The following RARB variants were observed in gnomAD, a reference collection of about 807,000 sequenced individuals.
The protein encoded by RARB is HBV-activated protein.
In RARB, 17 loss-of-function variants were observed where a neutral mutation model predicts 51.9. The observed-to-expected ratio is 0.33, with a 90% CI of 0.22 to 0.49. The LOEUF (loss-of-function observed/expected upper bound fraction) is 0.49, where lower values mean the gene tolerates loss of function less well. Ranked by LOEUF, RARB falls within the 20% of genes least tolerant of loss-of-function variation. The pLI, the probability that RARB is intolerant of heterozygous loss-of-function variation, is 0.99. For missense variants in RARB, 369 were observed against 550.8 expected (o/e 0.67, Z 3.30); for synonymous variants, 215 against 195.4 (o/e 1.10, Z -0.84).
chr3:24,884,302 T>C (rs1039722602), intron 2 of RARB, among the ~76,000 whole-genome samples: 4 of 152,158 alleles, frequency 2.6e-5, no homozygotes, highest in African/African-American at 9.7e-5. Flanking sequence ...AAGGGCAATG[T>C]CATATTATCT....
At chr3:25,093,209 A>G (rs1388973722) in intron 3 of RARB, among the ~76,000 whole-genome samples, 1 of 152,196 alleles carries the variant, frequency 6.6e-6, no homozygotes. Flanking sequence ...ATGATCCAGC[A>G]TTATATAAAG....
At chr3:25,444,158 G>A (rs1708827008) in intron 1 of RARB, among the ~76,000 whole-genome samples, 2 of 152,102 alleles carry the variant, frequency 1.3e-5, no homozygotes, top group Admixed American at 1.3e-4. Context: ...GAAGAGAAAG[G>A]CCCTGTTATC....
intron 5 of RARB, among the ~76,000 whole-genome samples, chr3:25,413,273 G>A (rs899944856): frequency 1.7e-4 from 16 of 92,396 alleles, no homozygotes; most frequent in East Asian, 5.8e-4. Context: ...CATTATTTTT[G>A]TAACATTCAT....
chr3:25,350,043 G>A (rs1262193376), intron 5 of RARB, among the ~76,000 whole-genome samples: 5 of 152,152 alleles, frequency 3.3e-5, no homozygotes, highest in Non-Finnish European at 7.3e-5. Context: ...TCTCGGGGTA[G>A]TAGGGCTTCT....
At chr3:25,569,008 G>C (rs1053806807) in intron 3 of RARB, among the ~76,000 whole-genome samples, 1 of 152,248 alleles carries the variant, frequency 6.6e-6, no homozygotes, top group Non-Finnish European at 1.5e-5. Flanking sequence ...GCCTGGCACC[G>C]TGCTTGGCTC....
At chr3:25,588,957 CATT>C (rs1701510346) in intron 5 of RARB, among the ~76,000 whole-genome samples, 1 of 152,186 alleles carries the variant, frequency 6.6e-6, no homozygotes, top group South Asian at 2.1e-4. Flanking sequence ...AAAAGCAAAT[CATT>C]AAGTCCAGGC....
intron 3 of RARB, among the ~76,000 whole-genome samples, chr3:25,563,997 T>C (rs554837401): frequency 6.6e-6 from 1 of 152,120 alleles, no homozygotes; most frequent in Admixed American, 6.5e-5. Flanking sequence ...AGCATTGTTT[T>C]CATCTCTTCC....
chr3:25,479,819 A>G (rs914129296), intron 2 of RARB, among the ~76,000 whole-genome samples: 9 of 152,196 alleles, frequency 5.9e-5, no homozygotes, highest in Non-Finnish European at 1.2e-4. Flanking sequence ...ATGTTTTTGA[A>G]TAACAGCCAC....
chr3:25,154,537 AT>A (rs1238938037), intron 4 of RARB, among the ~76,000 whole-genome samples: 1 of 152,102 alleles, frequency 6.6e-6, no homozygotes, highest in African/African-American at 2.4e-5. Flanking sequence ...CTACCAATCC[AT>A]TTTCCACACA....
At chr3:25,011,767 T>A (rs1028012608) in intron 2 of RARB, among the ~76,000 whole-genome samples, 1 of 152,162 alleles carries the variant, frequency 6.6e-6, no homozygotes, top group African/African-American at 2.4e-5. Context: ...GTGGACTTTA[T>A]AATCCACATA....
At chr3:25,490,548 GCT>G (rs1454840624) in intron 2 of RARB, among the ~76,000 whole-genome samples, 8 of 152,078 alleles carry the variant, frequency 5.3e-5, no homozygotes, top group African/African-American at 1.9e-4. Flanking sequence ...GCATGTTTTG[GCT>G]CTCTCTCCTT....
At chr3:25,176,612 T>G (rs1700759639) in intron 5 of RARB, among the ~76,000 whole-genome samples, 1 of 151,602 alleles carries the variant, frequency 6.6e-6, no homozygotes, top group African/African-American at 2.4e-5. Context: ...GCCAGAATAG[T>G]CTCGATCTCT....
At chr3:25,332,161 C>A (rs1285243950) in intron 5 of RARB, among the ~76,000 whole-genome samples, 1 of 152,148 alleles carries the variant, frequency 6.6e-6, no homozygotes, top group African/African-American at 2.4e-5. Flanking sequence ...GGGAATCCTC[C>A]CTAACTCATT....
At chr3:25,589,869 C>A (rs980108870) in intron 5 of RARB, among the ~76,000 whole-genome samples, 2 of 152,204 alleles carry the variant, frequency 1.3e-5, no homozygotes, top group African/African-American at 4.8e-5. Flanking sequence ...AGATAAGATG[C>A]CTTCCTTTCA....
rs532086859 is a variant in RARB at position 24,875,394 on chromosome 3, C to A, written c.-380+16642C>A. Among the ~76,000 whole-genome samples the A allele has an allele frequency of 7.9e-5, 12 of 152,172 alleles. No individual in the cohort carries two copies. The East Asian group carries it at 2.3e-3, about 29-fold the overall frequency. On this transcript the variant is annotated intron_variant, in intron 2 of 11. Transcript: ENST00000383772. ...GCTCCGGACTCATTTTTTAGGATTG[C>A]CTGGCAACTTGTGATCTTGGGCAAG... is the stretch of plus-strand genomic sequence containing the variant.
intron 4 of RARB, among the ~76,000 whole-genome samples, chr3:25,155,735 G>A (rs1700363414): frequency 6.6e-6 from 1 of 152,152 alleles, no homozygotes; most frequent in South Asian, 2.1e-4. Flanking sequence ...CCACATGACT[G>A]TTGATGGCTG....
At chr3:25,330,656 C>T (rs1404517442) in intron 5 of RARB, among the ~76,000 whole-genome samples, 7 of 152,138 alleles carry the variant, frequency 4.6e-5, no homozygotes, top group Admixed American at 1.3e-4. Context: ...CAGATTCACA[C>T]ATAACAATAC....
chr3:25,073,422 A>G lies in RARB; in HGVS notation c.-328+13246A>G, dbSNP rs147346942. Among the ~76,000 whole-genome samples the G allele has an allele frequency of 2.6e-5, 4 of 152,364 alleles. No individual in the cohort carries two copies. In the East Asian group the frequency reaches 7.7e-4, roughly 29 times the overall value. ...TCCCAAGGATGCACCTCAGAACATT[A>G]GTTCTGCAAGACAGTGAAAGCCTTT... On this transcript the variant is annotated intron_variant, in intron 3 of 11. Coordinates refer to the RARB transcript ENST00000383772.
chr3:24,972,858 T>G (rs1696431242), intron 2 of RARB, among the ~76,000 whole-genome samples: 1 of 152,048 alleles, frequency 6.6e-6, no homozygotes, highest in African/African-American at 2.4e-5. Context: ...CTGAGTTGTT[T>G]GGGCTCTTTA....
Sources: gnomAD v4.1 joint callset for allele counts (sites outside exome capture counted in the v4.1 genomes callset) on GRCh38, gnomAD v4.1.1 for gene constraint, MANE v1.5 for transcripts, NCBI Gene and HGNC (gene_info 2026-07-23, HGNC 2026-07-21) for gene names.